The following TRAPPC9 variants were observed in gnomAD, a reference collection of about 807,000 sequenced individuals.
TRAPPC9 encodes the protein IKK2 binding protein.
Under a neutral mutation model 124.0 loss-of-function variants are expected in TRAPPC9, and 83 were observed. The observed-to-expected ratio is 0.67, with a 90% CI of 0.56 to 0.80. The LOEUF is 0.80. TRAPPC9 is among the 30% of genes least tolerant of loss of function. TRAPPC9 has a pLI of 0.00. For synonymous variants in TRAPPC9, 638 were observed against 617.5 expected (o/e 1.03, Z -0.49); for missense variants, 1,302 against 1,508.3 (o/e 0.86, Z 2.27).
intron 21 of TRAPPC9, among the ~76,000 whole-genome samples, chr8:139,824,988 G>A (rs1483085181): frequency 2.0e-5 from 3 of 152,192 alleles, no homozygotes; most frequent in Non-Finnish European, 4.4e-5. Flanking sequence ...GTCCCCTGCA[G>A]GGAGGTGGAC....
At chr8:140,455,866 C>T (rs2071641551) in intron 1 of TRAPPC9, among the ~76,000 whole-genome samples, 3 of 152,180 alleles carry the variant, frequency 2.0e-5, no homozygotes, top group Admixed American at 2.0e-4. Context: ...ATGTAAGCCA[C>T]AACATGAATA....
chr8:139,743,861 C>T (rs1002044151), intron 21 of TRAPPC9, among the ~76,000 whole-genome samples: 7 of 152,200 alleles, frequency 4.6e-5, no homozygotes, highest in African/African-American at 1.7e-4. Flanking sequence ...CAATGCCCCC[C>T]AGTCCAGCAT....
In TRAPPC9 at chr8:139,988,716, G is replaced by A. The variant is rs1490702153; in HGVS notation, c.2810+10C>T. ...GCCTGCGGCGGCGCGAGGGTCTATG[G>A]GACACTTACCGCTGGCACTCACCGG... is the stretch of plus-strand genomic sequence containing the variant. On this transcript the variant is annotated intron_variant, in intron 19 of 22. Transcript: ENST00000438773. 1 of 1,541,206 alleles carries A rather than the reference G, an allele frequency of 6.5e-7. No homozygotes were observed. The highest frequency in any genetic ancestry group is 2.4e-5 in the East Asian group (1 of 40,864).
intron 21 of TRAPPC9, among the ~76,000 whole-genome samples, chr8:139,830,543 C>A (rs1563846637): frequency 6.6e-6 from 1 of 151,692 alleles, no homozygotes; most frequent in African/African-American, 2.4e-5. Context: ...CATGCACACA[C>A]AAACGAGCAA....
chr8:140,427,379 TCA>T (rs60720377), intron 4 of TRAPPC9, among the ~76,000 whole-genome samples: 140 of 148,136 alleles, frequency 9.5e-4, no homozygotes, highest in Middle Eastern at 3.5e-3. Context: ...TATCTCTCTC[TCA>T]CACACACACA....
At chr8:140,264,826 C>T (rs72688876) in intron 15 of TRAPPC9, among the ~76,000 whole-genome samples, 28,068 of 151,968 alleles carry the variant, frequency 0.18, 2,648 homozygotes, top group Admixed American at 0.22. Context: ...ACTCCTACCC[C>T]ACCCACCCTG....
At chr8:140,240,261 G>C (rs986801323) in intron 16 of TRAPPC9, among the ~76,000 whole-genome samples, 5 of 15,074 alleles carry the variant, frequency 3.3e-4, no homozygotes, top group South Asian at 1.5e-3. Context: ...ATTTTTCTAG[G>C]GGGGGACAGA....
intron 17 of TRAPPC9, among the ~76,000 whole-genome samples, chr8:140,024,834 G>A (rs1840038601): frequency 6.6e-6 from 1 of 152,128 alleles, no homozygotes; most frequent in Admixed American, 6.5e-5. Flanking sequence ...GACAGGCGGG[G>A]GCGGGGGTGC....
At chr8:140,269,065 T>C (rs1193256944) in intron 15 of TRAPPC9, among the ~76,000 whole-genome samples, 1 of 152,008 alleles carries the variant, frequency 6.6e-6, no homozygotes, top group African/African-American at 2.4e-5. Flanking sequence ...CTGATAAGGG[T>C]TTGCGTTAGA....
intron 5 of TRAPPC9, among the ~76,000 whole-genome samples, chr8:140,416,273 A>G (rs2069924880): frequency 1.3e-5 from 2 of 152,234 alleles, no homozygotes; most frequent in Non-Finnish European, 2.9e-5. Context: ...CCAATGAATT[A>G]TCTAATTTAG....
At chr8:140,174,461 CT>C (rs2062023517) in intron 17 of TRAPPC9, among the ~76,000 whole-genome samples, 1 of 152,160 alleles carries the variant, frequency 6.6e-6, no homozygotes, top group Non-Finnish European at 1.5e-5. Flanking sequence ...AACTCAGTGA[CT>C]TTTAGTATAT....
At chr8:139,871,898 G>C (rs1360847619) in intron 21 of TRAPPC9, among the ~76,000 whole-genome samples, 2 of 152,210 alleles carry the variant, frequency 1.3e-5, no homozygotes, top group African/African-American at 4.8e-5. Context: ...TGAATGGATG[G>C]GTGAGTGGGA....
chr8:139,847,658 C>T (rs1426440015), intron 21 of TRAPPC9, among the ~76,000 whole-genome samples: 1 of 150,476 alleles, frequency 6.6e-6, no homozygotes, highest in Non-Finnish European at 1.5e-5. Flanking sequence ...GATGGCCTGG[C>T]CTGGGGATGG....
intron 19 of TRAPPC9, among the ~76,000 whole-genome samples, chr8:139,958,910 A>ATTCCGAGTCACACGGGGGAGCC (rs1346905678): frequency 1.4e-5 from 1 of 71,736 alleles, no homozygotes; most frequent in African/African-American, 4.4e-5. Flanking sequence ...ACAGGGGAGC[A>ATTCCGAGTCACACGGGGGAGCC]CTGCATTCCG....
chr8:140,364,600 C>T (rs1456390663), intron 8 of TRAPPC9, among the ~76,000 whole-genome samples: 11 of 151,050 alleles, frequency 7.3e-5, no homozygotes, highest in African/African-American at 2.7e-4. Flanking sequence ...TTTTTTTTTT[C>T]GAGACGGAGT....
At chr8:140,015,932 G>A (rs923317556) in intron 18 of TRAPPC9, among the ~76,000 whole-genome samples, 2 of 152,174 alleles carry the variant, frequency 1.3e-5, no homozygotes, top group Admixed American at 6.5e-5. Flanking sequence ...GGGGCAAGGC[G>A]CTAGGTCCTG....
intron 17 of TRAPPC9, among the ~76,000 whole-genome samples, chr8:140,029,874 A>C (rs1840396237): frequency 6.6e-6 from 1 of 152,044 alleles, no homozygotes; most frequent in African/African-American, 2.4e-5. Context: ...TCCCTCATGA[A>C]TTTAAATGTA....
chr8:140,013,851 A>G (rs1563689493), intron 18 of TRAPPC9, among the ~76,000 whole-genome samples: 1 of 152,158 alleles, frequency 6.6e-6, no homozygotes, highest in African/African-American at 2.4e-5. Context: ...TCTCCTTTTC[A>G]AGATGAAGGA....
At chr8:140,387,167 CAAGATGGATTA>C (rs2068777144) in intron 7 of TRAPPC9, among the ~76,000 whole-genome samples, 1 of 152,162 alleles carries the variant, frequency 6.6e-6, no homozygotes, top group Non-Finnish European at 1.5e-5. Context: ...AAAATTAATT[CAAGATGGATTA>C]AAGACTTAAA....
Sources: allele counts gnomAD v4.1 joint callset (sites outside exome capture counted in the v4.1 genomes callset), GRCh38; gene constraint gnomAD v4.1.1; transcripts MANE v1.5; gene names NCBI Gene and HGNC (gene_info 2026-07-23, HGNC 2026-07-21).